GOT2: variants seen among roughly 807,000 people sequenced by gnomAD.
GOT2 encodes the protein glutamic-oxaloacetic transaminase 2.
In GOT2, 17 loss-of-function variants were observed where a neutral mutation model predicts 50.0. That is an observed-to-expected ratio of 0.34 (90% CI 0.23 to 0.51). The LOEUF (loss-of-function observed/expected upper bound fraction) is 0.51. Among genes scored for constraint, GOT2 ranks in the 20% least tolerant of loss-of-function variants. The pLI is 0.97. For missense variants in GOT2, 430 were observed against 559.6 expected, an observed-to-expected ratio of 0.77 and a Z score of 2.34; for synonymous variants, 172 against 204.9, an observed-to-expected ratio of 0.84 and a Z score of 1.37.
At chr16:58,717,382 GA>G (rs1297913455) in intron 6 of GOT2, among the ~76,000 whole-genome samples, 4 of 145,336 alleles carry the variant, frequency 2.8e-5, no homozygotes, top group Non-Finnish European at 6.1e-5. Flanking sequence ...TGTCTCAAAA[GA>G]AAAAAAAAGA....
intron 1 of GOT2, among the ~76,000 whole-genome samples, chr16:58,732,056 GT>G (rs1367444926): frequency 7.2e-5 from 11 of 152,204 alleles, no homozygotes; most frequent in African/African-American, 2.4e-5. Context: ...TTCTGGTCAG[GT>G]GGGGTTGCTT....
In GOT2 at chr16:58,708,032, A is replaced by T; in HGVS notation, c.*139T>A. On this transcript the variant is annotated 3_prime_UTR_variant, in exon 10 of 10. Transcript: ENST00000245206. Reference sequence around the variant, plus strand: ...ACATGTTCTTTTCTGAGAAACATTCAAATGCTGAGTGTTACACACTGTGGC... The same window carrying T: ...ACATGTTCTTTTCTGAGAAACATTCTAATGCTGAGTGTTACACACTGTGGC... The T allele has an allele frequency of 1.3e-6, 1 of 767,834 alleles. No individual in the cohort carries two copies. Among genetic ancestry groups the T allele is most frequent in the Non-Finnish European group, 2.0e-6 (1 of 495,286 alleles). The allele number at this position is 767,834 out of a possible 1,614,324, so 47.6% of individuals were successfully genotyped here.
rs1225507232 is a variant in GOT2, at chr16:58,707,947, G to A, written c.*224C>T. 6 of 361,710 alleles carry A rather than the reference G, an allele frequency of 1.7e-5. No homozygotes were observed. The highest frequency in any genetic ancestry group is 6.3e-5 in the African/African-American group (3 of 47,480). The allele number at this position is 361,710 out of a possible 1,614,324, so 22.4% of individuals were successfully genotyped here. On this transcript the variant is annotated 3_prime_UTR_variant, in exon 10 of 10. Transcript: ENST00000245206. ...GAGAAAAGTTGGAGAAAAAAGGACC[G>A]GGGAGAGTTTGGTTTAATATTCCAG...
chr16:58,732,314 A>G (rs1007562420), intron 1 of GOT2, among the ~76,000 whole-genome samples: 4 of 152,164 alleles, frequency 2.6e-5, no homozygotes, highest in African/African-American at 9.7e-5. Context: ...TAAAGAAAAA[A>G]AAAAAGGGAA....
chr16:58,726,225 G>A (rs1025768319), intron 1 of GOT2, among the ~76,000 whole-genome samples: 4 of 151,898 alleles, frequency 2.6e-5, no homozygotes, highest in South Asian at 2.1e-4. Flanking sequence ...TGTTCTTGTC[G>A]CCCAGGCTGG....
intron 8 of GOT2, among the ~76,000 whole-genome samples, chr16:58,712,162 A>G (rs1415792504): frequency 2.6e-5 from 4 of 151,590 alleles, no homozygotes; most frequent in Admixed American, 2.0e-4. Context: ...CTAACTCCCC[A>G]CTAGAATCAA....
intron 1 of GOT2, among the ~76,000 whole-genome samples, chr16:58,731,372 G>A (rs1408405494): frequency 6.6e-6 from 1 of 151,960 alleles, no homozygotes; most frequent in African/African-American, 2.4e-5. Context: ...TAGAACTCCC[G>A]AGCTCAAGCA....
intron 3 of GOT2, among the ~76,000 whole-genome samples, chr16:58,720,149 C>A (rs2044729728): frequency 6.6e-6 from 1 of 152,232 alleles, no homozygotes; most frequent in South Asian, 2.1e-4. Flanking sequence ...TTGCGTTGAG[C>A]TGAGATCGTG....
chr16:58,721,692 T>G (rs569183669), intron 3 of GOT2: 1 of 152,526 alleles, frequency 6.6e-6, no homozygotes, highest in Non-Finnish European at 1.5e-5. Context: ...TGATGGCAAT[T>G]TACTATCAAA....
intron 8 of GOT2, among the ~76,000 whole-genome samples, chr16:58,710,666 G>A (rs1235839408): frequency 6.6e-6 from 1 of 151,380 alleles, no homozygotes; most frequent in African/African-American, 2.4e-5. Flanking sequence ...CGGATCACGA[G>A]GTCAGGAGAT....
intron 1 of GOT2, among the ~76,000 whole-genome samples, chr16:58,727,014 C>CAAGGTGGCGTGCGCCTTT (rs898564349): frequency 5.9e-5 from 9 of 151,986 alleles, no homozygotes; most frequent in Non-Finnish European, 1.3e-4. Flanking sequence ...ATTATCTAGG[C>CAAGGTGGCGTGCGCCTTT]AAGGTGGCGT....
chr16:58,723,702 C>A, intron 2 of GOT2, 44 bp downstream of exon 2: 2 of 1,532,644 alleles, frequency 1.3e-6, no homozygotes, highest in South Asian at 2.3e-5. Context: ...GGGCTCTCTT[C>A]AGTTTATTCA....
In GOT2 at chr16:58,723,773, C is replaced by T; in HGVS notation, c.219G>A (p.Lys73=). ...TGCGGACGCTAGGCAGAACGTAAGG[C>T]TTTCCATTATCATCCCGGTAGGCAC... ...GVGAYRDDNG[K]PYVLPSVRKA... The change falls in exon 2 of 10, where the codon AAG becomes AAA. Residue 73 remains lysine, a synonymous_variant. Transcript: ENST00000245206. 5.0e-6 allele frequency: 8 copies of T among 1,613,272 alleles called. No homozygotes were observed. The highest frequency in any genetic ancestry group is 1.3e-5 in the African/African-American group (1 of 74,988).
In GOT2 at chr16:58,709,579, C is replaced by A; in HGVS notation, c.1020-12G>T. The A allele has an allele frequency of 6.2e-7, 1 of 1,603,716 alleles. No individual in the cohort carries two copies. On this transcript the variant is annotated splice_polypyrimidine_tract_variant and intron_variant, in intron 8 of 9. Coordinates refer to ENST00000245206, the MANE Select transcript of GOT2 (RefSeq NM_002080.4). ...TCACTTCTTGCAGCCTGTAAAGAAA[C>A]CCTGAGATGCAGCTCATTCTGCCTA...
chr16:58,709,942 C>T (rs1308243314), intron 8 of GOT2, among the ~76,000 whole-genome samples: 3 of 152,174 alleles, frequency 2.0e-5, no homozygotes, highest in African/African-American at 7.2e-5. Flanking sequence ...ACATTCAGCA[C>T]TCTGTTATAA....
intron 1 of GOT2, among the ~76,000 whole-genome samples, chr16:58,729,902 G>A (rs2044819429): frequency 6.6e-6 from 1 of 151,880 alleles, no homozygotes; most frequent in South Asian, 2.1e-4. Flanking sequence ...CTAAATATAG[G>A]AGCAGGGATA....
At chr16:58,718,454 C>G (rs1380697514) in intron 5 of GOT2, 73 bp downstream of exon 5, 1 of 1,435,960 alleles carries the variant, frequency 7.0e-7, no homozygotes, top group Admixed American at 2.0e-5. Context: ...GATATTGGGA[C>G]ATGGTGGGAG....
At chr16:58,718,094 G>T in intron 6 of GOT2, 102 bp downstream of exon 6, 1 of 834,146 alleles carries the variant, frequency 1.2e-6, no homozygotes, top group Non-Finnish European at 2.1e-6. Context: ...GACATTTCAC[G>T]CAGGTTCGAG....
chr16:58,714,227 C>T (rs1301188511), intron 8 of GOT2, among the ~76,000 whole-genome samples: 2 of 151,784 alleles, frequency 1.3e-5, no homozygotes, highest in African/African-American at 2.4e-5. Context: ...TTAAATTCAA[C>T]TTAGTAAGAT....
Sources: allele counts gnomAD v4.1 joint callset (sites outside exome capture counted in the v4.1 genomes callset), GRCh38; gene constraint gnomAD v4.1.1; transcripts MANE v1.5; gene names NCBI Gene and HGNC (gene_info 2026-07-23, HGNC 2026-07-21).